SPATA17: variants seen among roughly 807,000 people sequenced by gnomAD.
SPATA17 encodes spermatogenesis associated 17.
In SPATA17, 53 loss-of-function variants were observed where a neutral mutation model predicts 62.2. The observed-to-expected ratio is 0.85, with a 90% CI of 0.68 to 1.07. The LOEUF (loss-of-function observed/expected upper bound fraction) is 1.07, where lower values mean the gene tolerates loss of function less well. Among genes scored for constraint, SPATA17 ranks in the 50% least tolerant of loss-of-function variants. The pLI is 0.00. For missense variants in SPATA17, 466 were observed against 425.5 expected (o/e 1.10, Z -0.84); for synonymous variants, 146 against 146.8 (o/e 0.99, Z 0.04).
At chr1:217,792,845 C>T (rs907170290) in intron 8 of SPATA17, among the ~76,000 whole-genome samples, 6 of 152,082 alleles carry the variant, frequency 3.9e-5, no homozygotes, top group African/African-American at 9.7e-5. Flanking sequence ...GAGGCAGGAA[C>T]GTCCTCTCAT....
rs397982930 is a variant in SPATA17 at position 217,829,627 on chromosome 1, CAAAAAAAAAAAAA to C, written c.1005+27792_1005+27804del. On this transcript the variant is annotated intron_variant, in intron 9 of 10. Coordinates refer to ENST00000366933, the MANE Select transcript of SPATA17 (RefSeq NM_138796.4). ...TGGGTGACAGAGCGAGACTCCATCT[CAAAAAAAAAAAAA>C]AAAAAAAAAAAAAATACTGCATTTA... 3.6e-4 allele frequency among the ~76,000 whole-genome samples: 17 copies of C among 46,756 alleles called. No individual in the cohort carries two copies. In the South Asian group the frequency reaches 0.02, roughly 55 times the overall value. 30.7% of individuals were successfully genotyped at this position (46,756 alleles called of 152,430 possible).
intron 5 of SPATA17, among the ~76,000 whole-genome samples, chr1:217,718,880 A>C (rs1672064347): frequency 6.6e-6 from 1 of 152,234 alleles, no homozygotes; most frequent in East Asian, 1.9e-4. Flanking sequence ...AACAAACAAA[A>C]AAACAGCAAC....
chr1:217,739,970 T>G (rs2102946821), intron 5 of SPATA17, among the ~76,000 whole-genome samples: 1 of 152,126 alleles, frequency 6.6e-6, no homozygotes, highest in African/African-American at 2.4e-5. Flanking sequence ...GTAACTTTCT[T>G]TTCCATTATC....
intron 3 of SPATA17, among the ~76,000 whole-genome samples, chr1:217,667,054 T>C (rs1209814951): frequency 6.8e-6 from 1 of 146,202 alleles, no homozygotes; most frequent in Non-Finnish European, 1.5e-5. Context: ...TTTTCTTTTT[T>C]TTTTTTTTTT....
chr1:217,772,005 A>G (rs919606363), intron 6 of SPATA17, among the ~76,000 whole-genome samples: 25 of 152,202 alleles, frequency 1.6e-4, no homozygotes, highest in Admixed American at 1.6e-3. Context: ...AAAAACTAAC[A>G]GACTTCAGTT....
At chr1:217,646,749 A>T (rs1190984868) in intron 1 of SPATA17, among the ~76,000 whole-genome samples, 2 of 151,932 alleles carry the variant, frequency 1.3e-5, no homozygotes, top group Non-Finnish European at 2.9e-5. Flanking sequence ...ACAAAAATTA[A>T]CCAGGCATGG....
chr1:217,649,346 G>A (rs1365008651), intron 2 of SPATA17, among the ~76,000 whole-genome samples: 3 of 152,056 alleles, frequency 2.0e-5, no homozygotes, highest in Non-Finnish European at 4.4e-5. Flanking sequence ...GGGCATGGTG[G>A]TGCACATCTG....
intron 8 of SPATA17, among the ~76,000 whole-genome samples, chr1:217,790,033 G>A (rs967918950): frequency 1.3e-5 from 2 of 152,158 alleles, no homozygotes; most frequent in African/African-American, 4.8e-5. Context: ...GCGAGACGCT[G>A]TCTCAAAATT....
intron 9 of SPATA17, among the ~76,000 whole-genome samples, chr1:217,810,733 A>G (rs563539580): frequency 2.6e-5 from 4 of 152,306 alleles, no homozygotes; most frequent in Non-Finnish European, 5.9e-5. Context: ...GAAACTTACA[A>G]TCATGGCAGA....
intron 8 of SPATA17, among the ~76,000 whole-genome samples, chr1:217,783,163 G>T (rs1365993157): frequency 6.7e-6 from 1 of 150,260 alleles, no homozygotes; most frequent in Non-Finnish European, 1.5e-5. Context: ...TGTGCTAATT[G>T]TTACATAATA....
intron 6 of SPATA17, among the ~76,000 whole-genome samples, chr1:217,753,972 C>T (rs1410355391): frequency 4.6e-5 from 7 of 152,094 alleles, no homozygotes; most frequent in East Asian, 3.9e-4. Context: ...CAGTGTCTCA[C>T]GCCTGTAATA....
chr1:217,654,164 G>A (rs1670382591), intron 3 of SPATA17, among the ~76,000 whole-genome samples: 1 of 146,436 alleles, frequency 6.8e-6, no homozygotes, highest in Non-Finnish European at 1.5e-5. Context: ...TGGAGACAAA[G>A]TCTTGCTCTG....
rs1487504672 is a variant in SPATA17, at chr1:217,868,929, GC to G, written c.*1912del. 1 of 152,166 alleles carries G rather than the reference GC, an allele frequency of 6.6e-6. No individual in the cohort carries two copies. Among genetic ancestry groups the G allele is most frequent in the Non-Finnish European group, 1.5e-5 (1 of 68,130 alleles). The allele number at this position is 152,166 out of a possible 1,614,324, so 9.4% of individuals were successfully genotyped here. A position where few individuals can be genotyped will look rare whatever the true frequency, so the allele number is the denominator to read the frequency against. Reference sequence around the variant, plus strand: ...ACGCCTGAGCTCAAGTGATCTGCCTGCCTCGGCCTCCCAAAGTACTGGGATT... The same window carrying G: ...ACGCCTGAGCTCAAGTGATCTGCCTGCTCGGCCTCCCAAAGTACTGGGATT... On this transcript the variant is annotated 3_prime_UTR_variant, in exon 11 of 11. Coordinates refer to ENST00000366933, the MANE Select transcript of SPATA17 (RefSeq NM_138796.4).
In SPATA17 at chr1:217,744,325, T is replaced by C. The variant is rs1672698917; in HGVS notation, c.519+2227T>C. Among the ~76,000 whole-genome samples, 2 of 96,486 alleles carry C rather than the reference T, an allele frequency of 2.1e-5. 1 individual carries two copies. The highest frequency in any genetic ancestry group is 5.2e-5 in the Non-Finnish European group (2 of 38,166). The allele number at this position is 96,486 out of a possible 152,430, so 63.3% of individuals were successfully genotyped here. A position where few individuals can be genotyped will look rare whatever the true frequency, so the allele number is the denominator to read the frequency against. On this transcript the variant is annotated intron_variant, in intron 6 of 10. Coordinates refer to ENST00000366933, the MANE Select transcript of SPATA17 (RefSeq NM_138796.4). ...AAAATACAAAAAAATTAGCCGGGCG[T>C]AGTGGCGGGCGCCTGTAGTCCCAGC...
chr1:217,660,396 C>A (rs1424045579), intron 3 of SPATA17, among the ~76,000 whole-genome samples: 1 of 152,098 alleles, frequency 6.6e-6, no homozygotes, highest in Non-Finnish European at 1.5e-5. Flanking sequence ...ACATAAAAGG[C>A]CTACTGAAAT....
intron 5 of SPATA17, among the ~76,000 whole-genome samples, chr1:217,690,073 T>G (rs1320117635): frequency 6.6e-6 from 1 of 152,126 alleles, no homozygotes; most frequent in Non-Finnish European, 1.5e-5. Context: ...CAGCTAATTT[T>G]TATAATTTTA....
intron 1 of SPATA17, among the ~76,000 whole-genome samples, chr1:217,636,734 G>C (rs1021683513): frequency 6.6e-6 from 1 of 152,068 alleles, no homozygotes; most frequent in African/African-American, 2.4e-5. Context: ...CCTTTGACTT[G>C]TTTTTAAGTT....
chr1:217,657,673 G>A lies in SPATA17; in HGVS notation c.240+6495G>A, dbSNP rs529926973. 1.7e-3 allele frequency among the ~76,000 whole-genome samples: 266 copies of A among 152,250 alleles called. 1 individual carries two copies. The highest frequency in any genetic ancestry group is 2.7e-3 in the Non-Finnish European group (182 of 68,020). On this transcript the variant is annotated intron_variant, in intron 3 of 10. Coordinates refer to ENST00000366933, the MANE Select transcript of SPATA17 (RefSeq NM_138796.4). ...ACAGTATATGATTAAGTTATAAAAT[G>A]AATGGTGTAGAACAGTCATTTTAAA...
chr1:217,697,947 A>G (rs893979187), intron 5 of SPATA17, among the ~76,000 whole-genome samples: 2 of 152,126 alleles, frequency 1.3e-5, no homozygotes, highest in African/African-American at 4.8e-5. Context: ...TAAGTTTTAT[A>G]TGCATTTTCT....
Sources: allele counts gnomAD v4.1 joint callset (sites outside exome capture counted in the v4.1 genomes callset), GRCh38; gene constraint gnomAD v4.1.1; transcripts MANE v1.5; gene names NCBI Gene and HGNC (gene_info 2026-07-23, HGNC 2026-07-21).